The following MAF variants were observed in gnomAD, a reference collection of about 807,000 sequenced individuals.
The protein encoded by MAF is transcription factor Maf.
In MAF, 10 loss-of-function variants were observed where a neutral mutation model predicts 22.0. The observed-to-expected ratio is 0.45, with a 90% CI of 0.28 to 0.77. MAF has a LOEUF of 0.77. Ranked by LOEUF, MAF falls within the 30% of genes least tolerant of loss-of-function variation. The pLI is 0.12. For missense variants in MAF, 544 were observed against 548.4 expected (o/e 0.99, Z 0.08); for synonymous variants, 337 against 255.8 (o/e 1.32, Z -3.03).
the MAF span, among the ~76,000 whole-genome samples, chr16:79,556,009 T>TTATA: frequency 6.9e-6 from 1 of 145,228 alleles, no homozygotes; most frequent in Non-Finnish European, 1.6e-5. Context: ...TTAGTTTGTT[T>TTATA]TGTTAGTTTA....
the MAF span, among the ~76,000 whole-genome samples, chr16:79,234,752 C>T: frequency 6.6e-6 from 1 of 152,122 alleles, no homozygotes; most frequent in Non-Finnish European, 1.5e-5. Flanking sequence ...GTGGACCCAA[C>T]ACAGTGGGGA....
At chr16:79,237,414 G>A in the MAF span, among the ~76,000 whole-genome samples, 1 of 152,072 alleles carries the variant, frequency 6.6e-6, no homozygotes, top group Non-Finnish European at 1.5e-5. Flanking sequence ...ATTCCACTCG[G>A]TAAATCTCTG....
At chr16:79,471,378 C>T in the MAF span, among the ~76,000 whole-genome samples, 1 of 152,226 alleles carries the variant, frequency 6.6e-6, no homozygotes, top group Non-Finnish European at 1.5e-5. Context: ...AAGGTTTAGG[C>T]AGAGCACAAT....
At chr16:79,240,560 A>C in the MAF span, among the ~76,000 whole-genome samples, 1 of 150,146 alleles carries the variant, frequency 6.7e-6, no homozygotes, top group South Asian at 2.1e-4. Context: ...TTATTGATAA[A>C]AAACCCCCAT....
the MAF span, among the ~76,000 whole-genome samples, chr16:79,355,301 G>C: frequency 1.3e-5 from 2 of 152,204 alleles, no homozygotes; most frequent in African/African-American, 4.8e-5. Flanking sequence ...TGAATTGACA[G>C]CTCAAAAGGA....
downstream of MAF, among the ~76,000 whole-genome samples, chr16:79,590,267 C>T (rs1240597411): frequency 1.3e-5 from 2 of 152,146 alleles, no homozygotes; most frequent in Non-Finnish European, 2.9e-5. Context: ...GGAGAGGGGA[C>T]AAACTCAGCA....
the MAF span, among the ~76,000 whole-genome samples, chr16:79,244,398 C>T: frequency 2.0e-5 from 3 of 152,060 alleles, no homozygotes; most frequent in African/African-American, 7.2e-5. Flanking sequence ...GTGCAAAAAT[C>T]ACAAGCAGTT....
the MAF span, among the ~76,000 whole-genome samples, chr16:79,234,780 G>C: frequency 2.0e-5 from 3 of 152,222 alleles, no homozygotes; most frequent in East Asian, 1.9e-4. Flanking sequence ...CCCTAAGCCA[G>C]TCCTGCCTGA....
At chr16:79,369,234 T>C in the MAF span, among the ~76,000 whole-genome samples, 1 of 152,198 alleles carries the variant, frequency 6.6e-6, no homozygotes, top group African/African-American at 2.4e-5. Context: ...AATAGATCCA[T>C]TAAATGATTT....
chr16:79,357,129 G>A, the MAF span, among the ~76,000 whole-genome samples: 1,774 of 152,212 alleles, frequency 0.012, 35 homozygotes, highest in African/African-American at 0.04. Flanking sequence ...AGTGGCATGC[G>A]CCTACAGTCC....
chr16:79,586,138 G>A (rs1274030010), intron 1 of MAF, among the ~76,000 whole-genome samples: 2 of 152,132 alleles, frequency 1.3e-5, no homozygotes, highest in South Asian at 2.1e-4. Flanking sequence ...GACGTGGAAG[G>A]GAATGGCCTG....
the MAF span, among the ~76,000 whole-genome samples, chr16:79,571,530 ATT>A: frequency 2.9e-3 from 298 of 103,870 alleles, 4 homozygotes; most frequent in African/African-American, 9.7e-3. Flanking sequence ...TCTCAGCGGA[ATT>A]TTTTTTTTTT....
At chr16:79,254,940 C>T in the MAF span, among the ~76,000 whole-genome samples, 4 of 152,254 alleles carry the variant, frequency 2.6e-5, no homozygotes, top group African/African-American at 4.8e-5. Context: ...TTCCAAGAGT[C>T]GAATCCCCAG....
At chr16:79,216,791 T>C in the MAF span, among the ~76,000 whole-genome samples, 1 of 152,138 alleles carries the variant, frequency 6.6e-6, no homozygotes, top group African/African-American at 2.4e-5. Flanking sequence ...TATGTAATAA[T>C]GATCCTACTC....
At chr16:79,270,760 G>A in the MAF span, among the ~76,000 whole-genome samples, 1 of 152,112 alleles carries the variant, frequency 6.6e-6, no homozygotes, top group Non-Finnish European at 1.5e-5. Context: ...ATCTCTTCCT[G>A]GTGTAATTCA....
downstream of MAF, among the ~76,000 whole-genome samples, chr16:79,592,785 A>C (rs540389368): frequency 3.0e-3 from 452 of 152,388 alleles, 2 homozygotes; most frequent in Non-Finnish European, 4.5e-3. Context: ...TCTAAAAAAA[A>C]CCAAACAAAC....
At chr16:79,237,065 G>C in the MAF span, among the ~76,000 whole-genome samples, 2 of 151,910 alleles carry the variant, frequency 1.3e-5, no homozygotes, top group African/African-American at 4.8e-5. Flanking sequence ...TGTGCCTTGA[G>C]ACAGGGTCAG....
the MAF span, among the ~76,000 whole-genome samples, chr16:79,229,067 T>G: frequency 6.6e-6 from 1 of 151,864 alleles, no homozygotes; most frequent in East Asian, 1.9e-4. Flanking sequence ...TCTAATCCCC[T>G]TCTCACCCAC....
the MAF span, among the ~76,000 whole-genome samples, chr16:79,217,690 C>A: frequency 1.3e-5 from 2 of 152,126 alleles, no homozygotes; most frequent in African/African-American, 4.8e-5. Context: ...CCCTCTCTCT[C>A]CCTAAGTTTC....
Sources: gnomAD v4.1 joint callset for allele counts (sites outside exome capture counted in the v4.1 genomes callset) on GRCh38, gnomAD v4.1.1 for gene constraint, MANE v1.5 for transcripts, NCBI Gene and HGNC (gene_info 2026-07-23, HGNC 2026-07-21) for gene names.